The following DIAPH1 variants were observed in gnomAD, a reference collection of about 807,000 sequenced individuals.
The protein encoded by DIAPH1 is protein diaphanous homolog 1.
A neutral mutation model predicts 140.7 loss-of-function variants in DIAPH1; 46 were observed. That is an observed-to-expected ratio of 0.33 (90% CI 0.26 to 0.42). The LOEUF is 0.42. Among genes scored for constraint, DIAPH1 ranks in the 10% least tolerant of loss-of-function variants. The pLI, the probability that DIAPH1 is intolerant of heterozygous loss-of-function variation, is 1.00. For missense variants in DIAPH1, 1,310 were observed against 1,558.7 expected, an observed-to-expected ratio of 0.84 and a Z score of 2.69; for synonymous variants, 565 against 551.6, an observed-to-expected ratio of 1.02 and a Z score of -0.34.
rs1289998659 is a variant in DIAPH1 at position 141,575,152 on chromosome 5, G to GA, written c.1462-7dup. On this transcript the variant is annotated splice_polypyrimidine_tract_variant and splice_region_variant and intron_variant, in intron 14 of 27. Transcript: ENST00000389054. The stretch of plus-strand genomic sequence containing the variant: ...GCTGTTAACTCTGAGTCCAACTAGA[G>GA]AAAAAACGAATCAGGCTCCCAGCAA... 12 of 1,614,074 alleles carry GA rather than the reference G, an allele frequency of 7.4e-6. No homozygotes were observed. Among genetic ancestry groups the GA allele is most frequent in the South Asian group, 1.1e-5 (1 of 91,078 alleles).
chr5:141,588,392 T>C lies in DIAPH1; in HGVS notation c.118-142A>G, dbSNP rs1362110704. ...CTACTTTCTGCAAGCTAATGATTTC[T>C]GTCAAAGTATTCCTTAGCACATTCC... On this transcript the variant is annotated intron_variant, in intron 1 of 27. Coordinates refer to ENST00000389054, the MANE Select transcript of DIAPH1 (RefSeq NM_005219.5). The C allele has an allele frequency of 8.4e-6, 6 of 713,246 alleles. No individual in the cohort carries two copies. The Admixed American group carries it at 1.2e-4, about 15-fold the overall frequency. The allele number at this position is 713,246 out of a possible 1,614,324, so 44.2% of individuals were successfully genotyped here.
In DIAPH1 at chr5:141,576,803, G is replaced by C. The variant is rs1463095601; in HGVS notation, c.1349C>G (p.Pro450Arg). 6.2e-7 allele frequency: 1 copy of C among 1,614,052 alleles called. No individual in the cohort carries two copies. The highest frequency in any genetic ancestry group is 1.1e-5 in the South Asian group (1 of 91,076). The change falls in exon 13 of 28, where the codon CCT (proline) becomes CGT (arginine). Residue 450 changes from proline to arginine, a missense_variant. Physicochemically the swap from Pro to Arg is moderately radical, Grantham distance 103 (BLOSUM62 -2). This residue lies in a region of DIAPH1 where 589 missense variants were observed against 549.3 expected (regional missense o/e 1.07). Transcript: ENST00000389054. ...QIVLHKNGAD[P>R]DFKCRHLQIE... ...CTGGAGGTGCCGGCACTTGAAGTCA[G>C]GATCAGCCCCGTTCTTGTGCAGAAC...
At chr5:141,574,857 T>C in intron 15 of DIAPH1, 110 bp downstream of exon 15, 4 of 1,173,062 alleles carry the variant, frequency 3.4e-6, no homozygotes, top group Non-Finnish European at 5.1e-6. Flanking sequence ...TGTAACTAGA[T>C]TACCTATTAG....
chr5:141,546,807 A>T (rs566655029), intron 18 of DIAPH1, among the ~76,000 whole-genome samples: 20 of 152,362 alleles, frequency 1.3e-4, no homozygotes, highest in Admixed American at 2.6e-4. Flanking sequence ...AAGCTTTTCC[A>T]AAACCACAAC....
Position 141,527,699 on chromosome 5 carries a change from T to TAAAAAAAAAAAAAAAAAAAAAAAC in DIAPH1, c.3149-26_3149-3dup. The TAAAAAAAAAAAAAAAAAAAAAAAC allele has an allele frequency of 1.8e-6, 2 of 1,130,080 alleles. No homozygotes were observed. Among genetic ancestry groups the TAAAAAAAAAAAAAAAAAAAAAAAC allele is most frequent in the African/African-American group, 2.5e-5 (1 of 40,330 alleles). 70.0% of individuals were successfully genotyped at this position (1,130,080 alleles called of 1,614,324 possible). A position where few individuals can be genotyped will look rare whatever the true frequency, so the allele number is the denominator to read the frequency against. Reference sequence around the variant, plus strand: ...TCTTTTGCAAGTTTTCAGCAGAAACTAAAAAAAAAAAAAAAAAAAAAAACC... The same window carrying TAAAAAAAAAAAAAAAAAAAAAAAC: ...TCTTTTGCAAGTTTTCAGCAGAAACTAAAAAAAAAAAAAAAAAAAAAAACAAAAAAAAAAAAAAAAAAAAAAACC... On this transcript the variant is annotated splice_polypyrimidine_tract_variant and splice_region_variant and intron_variant, in intron 23 of 27. Coordinates refer to ENST00000389054, the MANE Select transcript of DIAPH1 (RefSeq NM_005219.5).
At position 141,529,096 on chromosome 5, in the gene DIAPH1, T is replaced by C. The variant is rs2099887833; in HGVS notation, c.2778+76A>G. The C allele has an allele frequency of 1.1e-5, 17 of 1,545,514 alleles. No homozygotes were observed. In the South Asian group the frequency reaches 1.3e-4, roughly 12 times the overall value. ...AAAAACAGACAAGCGGCAAGGAGCA[T>C]ATGCCCAGGCTGCTCTCTAGAGGGG... On this transcript the variant is annotated intron_variant, in intron 21 of 27. Coordinates refer to ENST00000389054, the MANE Select transcript of DIAPH1 (RefSeq NM_005219.5).
intron 18 of DIAPH1, among the ~76,000 whole-genome samples, chr5:141,547,676 T>A (rs79408652): frequency 2.1e-3 from 315 of 152,024 alleles, no homozygotes; most frequent in African/African-American, 7.4e-3. Context: ...GTGAGACACA[T>A]TGAAAAGGCC....
chr5:141,535,703 A>C (rs1425928071), intron 18 of DIAPH1, among the ~76,000 whole-genome samples: 1 of 152,196 alleles, frequency 6.6e-6, no homozygotes, highest in East Asian at 1.9e-4. Context: ...CATAGGAAAA[A>C]ACCAAGTAAC....
chr5:141,610,468 G>A (rs962668374), intron 1 of DIAPH1, among the ~76,000 whole-genome samples: 14 of 151,858 alleles, frequency 9.2e-5, no homozygotes, highest in Admixed American at 2.6e-4. Context: ...GCCCAGCTAA[G>A]TTTTGTATTT....
Position 141,576,870 on chromosome 5 carries a change from G to T in DIAPH1, c.1282C>A (p.Pro428Thr), listed in dbSNP as rs2099896042. 3.2e-6 allele frequency: 5 copies of T among 1,547,678 alleles called. No individual in the cohort carries two copies. The highest frequency in any genetic ancestry group is 4.5e-6 in the Non-Finnish European group (5 of 1,119,574). ...TCTTCAATCAACTTATAGTACTGAG[G>T]TCTACAAGAGAATAAAAACAGGGTC... ...LLVRNDYEAR[P>T]QYYKLIEECI... Residue 428 changes from proline (P) to threonine (T), a missense_variant and splice_region_variant, in exon 13 of 28, where the codon CCT becomes ACT. By Grantham distance (38) the Pro-to-Thr change is conservative. Transcript: ENST00000389054.
intron 19 of DIAPH1, among the ~76,000 whole-genome samples, chr5:141,532,095 C>T (rs1311557329): frequency 1.3e-5 from 2 of 152,226 alleles, no homozygotes; most frequent in Non-Finnish European, 2.9e-5. Context: ...AGTTCCTGAA[C>T]TGCACAATGT....
intron 1 of DIAPH1, among the ~76,000 whole-genome samples, chr5:141,596,404 G>T (rs1490539063): frequency 6.6e-6 from 1 of 152,078 alleles, no homozygotes; most frequent in Non-Finnish European, 1.5e-5. Flanking sequence ...TCAGGAGGCT[G>T]AGGTGGGAGG....
chr5:141,546,318 G>T (rs2099890791), intron 18 of DIAPH1, among the ~76,000 whole-genome samples: 1 of 152,114 alleles, frequency 6.6e-6, no homozygotes, highest in South Asian at 2.1e-4. Flanking sequence ...GGAGGCAGAG[G>T]CTGAAGTGAG....
At chr5:141,522,300 C>A (rs1245930620) in intron 27 of DIAPH1, among the ~76,000 whole-genome samples, 1 of 152,192 alleles carries the variant, frequency 6.6e-6, no homozygotes, top group African/African-American at 2.4e-5. Flanking sequence ...GTATAAGTCT[C>A]CTCCTATTCC....
At chr5:141,585,311 C>CT (rs2099897360) in intron 3 of DIAPH1, among the ~76,000 whole-genome samples, 1 of 152,024 alleles carries the variant, frequency 6.6e-6, no homozygotes, top group East Asian at 1.9e-4. Flanking sequence ...AATGGTGGCC[C>CT]TCAAGCTAAG....
chr5:141,581,188 G>A (rs753205437), intron 7 of DIAPH1, among the ~76,000 whole-genome samples: 7 of 152,172 alleles, frequency 4.6e-5, no homozygotes, highest in Non-Finnish European at 8.8e-5. Flanking sequence ...GATCACATAG[G>A]CAGAGATCAG....
At chr5:141,523,249 T>G (rs1028372314) in intron 27 of DIAPH1, among the ~76,000 whole-genome samples, 2 of 152,226 alleles carry the variant, frequency 1.3e-5, no homozygotes, top group African/African-American at 4.8e-5. Context: ...TAGAAACCTC[T>G]AATGATGCCT....
chr5:141,558,841 G>A (rs1304931991), intron 18 of DIAPH1, among the ~76,000 whole-genome samples: 2 of 150,158 alleles, frequency 1.3e-5, no homozygotes, highest in Non-Finnish European at 2.9e-5. Flanking sequence ...GCACAAATAC[G>A]CCAGTTTATC....
chr5:141,524,107 T>G, intron 27 of DIAPH1, 36 bp downstream of exon 27: 1 of 1,593,486 alleles, frequency 6.3e-7, no homozygotes. Context: ...CCTCACCCCC[T>G]TCGACACCCA....
Sources: allele counts gnomAD v4.1 joint callset (sites outside exome capture counted in the v4.1 genomes callset), GRCh38; gene constraint gnomAD v4.1.1; regional missense constraint gnomAD v4.1.1; transcripts MANE v1.5; gene names NCBI Gene and HGNC (gene_info 2026-07-23, HGNC 2026-07-21).